Variants in NAPEPLD observed in about 807,000 individuals in gnomAD.
NAPEPLD encodes the protein N-acyl phosphatidylethanolamine phospholipase D.
A neutral mutation model predicts 38.1 loss-of-function variants in NAPEPLD; 23 were observed. The observed-to-expected ratio is 0.60, with a 90% CI of 0.43 to 0.86. NAPEPLD has a LOEUF of 0.86. Among genes scored for constraint, NAPEPLD ranks in the 40% least tolerant of loss-of-function variants. The probability of loss-of-function intolerance (pLI) is 0.00; values close to 1 mark genes in which losing one functional copy is unlikely to be tolerated. For missense variants in NAPEPLD, 411 were observed against 476.8 expected, an observed-to-expected ratio of 0.86 and a Z score of 1.28; for synonymous variants, 147 against 162.0, an observed-to-expected ratio of 0.91 and a Z score of 0.71.
intron 4 of NAPEPLD, among the ~76,000 whole-genome samples, chr7:103,108,131 A>ATT (rs1803756769): frequency 1.1e-5 from 1 of 94,580 alleles, no homozygotes; most frequent in African/African-American, 3.5e-5. Context: ...AATATTCAAC[A>ATT]TTCTTTTTTT....
At chr7:103,115,033 AG>A (rs1277413284) in intron 4 of NAPEPLD, 26 bp downstream of exon 4, 1 of 1,550,578 alleles carries the variant, frequency 6.4e-7, no homozygotes, top group East Asian at 2.2e-5. Context: ...AAACACACAA[AG>A]TTATTTTTAT....
intron 2 of NAPEPLD, among the ~76,000 whole-genome samples, chr7:103,121,263 T>C (rs1475185115): frequency 1.3e-5 from 2 of 152,184 alleles, no homozygotes; most frequent in Non-Finnish European, 2.9e-5. Context: ...CATTTTATAC[T>C]TGGATTAAGC....
chr7:103,149,195 C>T (rs1441540355), upstream of NAPEPLD: 4 of 994,142 alleles, frequency 4.0e-6, no homozygotes, highest in Non-Finnish European at 2.4e-6. Context: ...CCAACAGAAA[C>T]CACGGAGCTC....
intron 1 of NAPEPLD, among the ~76,000 whole-genome samples, chr7:103,139,674 G>T (rs1183318512): frequency 6.6e-6 from 1 of 152,174 alleles, no homozygotes; most frequent in Non-Finnish European, 1.5e-5. Context: ...AAATGAATTT[G>T]GCAAAGGGGC....
intron 2 of NAPEPLD, among the ~76,000 whole-genome samples, chr7:103,125,410 C>T (rs1007772506): frequency 2.0e-5 from 3 of 152,050 alleles, no homozygotes; most frequent in Non-Finnish European, 2.9e-5. Flanking sequence ...TAAATAGTTG[C>T]CATCATTATA....
intron 4 of NAPEPLD, among the ~76,000 whole-genome samples, chr7:103,106,569 G>A (rs1019003172): frequency 2.0e-5 from 3 of 152,072 alleles, no homozygotes; most frequent in Non-Finnish European, 4.4e-5. Context: ...GTAGGGGGAG[G>A]GGCGTCCGCC....
chr7:103,122,223 G>A (rs976118045), intron 2 of NAPEPLD, among the ~76,000 whole-genome samples: 3 of 151,688 alleles, frequency 2.0e-5, no homozygotes, highest in East Asian at 1.9e-4. Flanking sequence ...GAGCCACCAC[G>A]CCAGGCCTAG....
At chr7:103,111,557 A>C (rs905996538) in intron 4 of NAPEPLD, among the ~76,000 whole-genome samples, 2 of 152,250 alleles carry the variant, frequency 1.3e-5, no homozygotes, top group Non-Finnish European at 2.9e-5. Flanking sequence ...GGCTAGCCAT[A>C]AGCAGAAAGC....
chr7:103,127,934 G>C (rs532605845), intron 2 of NAPEPLD: 2 of 152,824 alleles, frequency 1.3e-5, no homozygotes, highest in African/African-American at 4.8e-5. Flanking sequence ...ACATTTAAAG[G>C]CTAGGAACCT....
chr7:103,149,497 T>A (rs910222505), upstream of NAPEPLD: 1 of 1,263,662 alleles, frequency 7.9e-7, no homozygotes, highest in African/African-American at 1.6e-5. Flanking sequence ...GGGCGAGTCG[T>A]CGCCGGGTCA....
At chr7:103,103,623 G>C in intron 4 of NAPEPLD, 69 bp from the exon 5 acceptor site, 13 of 1,497,036 alleles carry the variant, frequency 8.7e-6, no homozygotes, top group Non-Finnish European at 1.2e-5. Flanking sequence ...CCAAATAACA[G>C]TTCAAACTAA....
chr7:103,109,784 CA>C (rs146370088), intron 4 of NAPEPLD, among the ~76,000 whole-genome samples: 132,868 of 151,706 alleles, frequency 0.88, 60,895 homozygotes, highest in East Asian at 1. Context: ...AAAAATCCTT[CA>C]AAAAAAATCA....
intron 3 of NAPEPLD, among the ~76,000 whole-genome samples, chr7:103,118,095 AG>A (rs1293328700): frequency 2.6e-5 from 4 of 152,218 alleles, no homozygotes; most frequent in Admixed American, 6.5e-5. Context: ...AGGTTGAGGC[AG>A]GAGAATCACT....
chr7:103,136,134 G>C (rs557449360), intron 1 of NAPEPLD, among the ~76,000 whole-genome samples: 1 of 151,710 alleles, frequency 6.6e-6, no homozygotes, highest in African/African-American at 2.4e-5. Context: ...AAGAGTGGTG[G>C]TGCATGCCTG....
intron 4 of NAPEPLD, among the ~76,000 whole-genome samples, chr7:103,109,657 A>C (rs1804116735): frequency 6.6e-6 from 1 of 152,186 alleles, no homozygotes; most frequent in African/African-American, 2.4e-5. Flanking sequence ...GAAAGATCTA[A>C]AATCAACACC....
chr7:103,105,798 T>C (rs780571930), intron 4 of NAPEPLD, among the ~76,000 whole-genome samples: 4 of 152,092 alleles, frequency 2.6e-5, no homozygotes, highest in Non-Finnish European at 4.4e-5. Flanking sequence ...CCAGGCATAG[T>C]GGCCGGCACC....
chr7:103,120,743 T>A (rs530899737), intron 2 of NAPEPLD, among the ~76,000 whole-genome samples: 1 of 122,294 alleles, frequency 8.2e-6, no homozygotes, highest in South Asian at 3.0e-4. Flanking sequence ...AGACAGGCTC[T>A]CGCTCTGTTA....
chr7:103,133,131 T>C (rs917783146), intron 1 of NAPEPLD, among the ~76,000 whole-genome samples: 3 of 151,918 alleles, frequency 2.0e-5, no homozygotes, highest in Admixed American at 1.3e-4. Flanking sequence ...GTTCACAGGG[T>C]CTGTGTTTCT....
At chr7:103,127,599 G>A (rs1808083289) in intron 2 of NAPEPLD, 2 of 152,164 alleles carry the variant, frequency 1.3e-5, no homozygotes, top group Non-Finnish European at 2.9e-5. Flanking sequence ...CCCTGGGAAG[G>A]CATCAGCTCA....
Sources: allele counts gnomAD v4.1 joint callset (sites outside exome capture counted in the v4.1 genomes callset), GRCh38; gene constraint gnomAD v4.1.1; transcripts MANE v1.5; gene names NCBI Gene and HGNC (gene_info 2026-07-23, HGNC 2026-07-21).